The following SLC38A6 variants were observed in gnomAD, a reference collection of about 807,000 sequenced individuals.
SLC38A6 encodes solute carrier family 38 member 6.
SLC38A6 carries 73 observed loss-of-function variants against 65.0 expected under a neutral mutation model. The observed-to-expected ratio is 1.12, with a 90% confidence interval of 0.93 to 1.37. The LOEUF (loss-of-function observed/expected upper bound fraction) is 1.37. SLC38A6 is among the 40% of genes most tolerant of loss of function. The pLI is 0.00. For synonymous variants in SLC38A6, 183 were observed against 178.8 expected (o/e 1.02, Z -0.19); for missense variants, 561 against 531.1 (o/e 1.06, Z -0.55).
intron 8 of SLC38A6, among the ~76,000 whole-genome samples, chr14:61,040,390 A>G (rs1273853932): frequency 7.0e-6 from 1 of 141,866 alleles, no homozygotes; most frequent in Non-Finnish European, 1.5e-5. Flanking sequence ...CCCAGGCTGG[A>G]GTGCAGTGGC....
At chr14:61,083,615 G>T (rs2043742425) in exon 17 of SLC38A6, 1 of 1,550,396 alleles carries the variant, frequency 6.4e-7, no homozygotes, top group Admixed American at 2.0e-5. Flanking sequence ...CAGCAAGAAG[G>T]CAACTGTTTA....
chr14:61,070,286 G>A (rs773367506), intron 15 of SLC38A6, among the ~76,000 whole-genome samples: 5 of 152,168 alleles, frequency 3.3e-5, no homozygotes, highest in African/African-American at 7.2e-5. Flanking sequence ...TCGCCATCTT[G>A]TACCAAGGAA....
At chr14:61,048,004 TACATACATAC>T in intron 12 of SLC38A6, 3 of 335,244 alleles carry the variant, frequency 8.9e-6, no homozygotes, top group South Asian at 7.3e-5. Flanking sequence ...CATACATACA[TACATACATAC>T]ATACATACAT....
At chr14:60,994,055 C>T (rs958744059) in intron 3 of SLC38A6, among the ~76,000 whole-genome samples, 6 of 152,206 alleles carry the variant, frequency 3.9e-5, no homozygotes, top group African/African-American at 1.2e-4. Context: ...AATATAATCT[C>T]ATCATAGGAT....
At chr14:61,064,110 C>A (rs1187994946) in intron 15 of SLC38A6, among the ~76,000 whole-genome samples, 2 of 152,158 alleles carry the variant, frequency 1.3e-5, no homozygotes, top group Non-Finnish European at 2.9e-5. Context: ...GTTTTGAGTG[C>A]TTTCCCACAG....
At chr14:61,028,548 A>G (rs901343837) in intron 5 of SLC38A6, among the ~76,000 whole-genome samples, 23 of 152,232 alleles carry the variant, frequency 1.5e-4, no homozygotes, top group Middle Eastern at 3.4e-3. Context: ...TTCTGTGCCA[A>G]ATTGATAGCA....
intron 8 of SLC38A6, among the ~76,000 whole-genome samples, chr14:61,039,365 A>ATTATTTAT (rs527316473): frequency 6.6e-6 from 1 of 151,474 alleles, no homozygotes; most frequent in Non-Finnish European, 1.5e-5. Flanking sequence ...TGTTTATTTT[A>ATTATTTAT]TTATTTATTT....
Position 61,076,851 on chromosome 14 carries a change from A to G in SLC38A6, c.1291-1959A>G, listed in dbSNP as rs543232217. Among the ~76,000 whole-genome samples, 14 of 152,358 alleles carry G rather than the reference A, an allele frequency of 9.2e-5. No individual in the cohort carries two copies. The South Asian group carries it at 2.5e-3, about 27-fold the overall frequency. On this transcript the variant is annotated intron_variant, in intron 15 of 16. Coordinates refer to the SLC38A6 transcript ENST00000354886. ...AGGAAAGGTATATGGGTCTTCAAGT[A>G]GAGCAGGGATGTGTTCCAGTAGTTG...
intron 3 of SLC38A6, among the ~76,000 whole-genome samples, chr14:61,005,570 C>T (rs570279540): frequency 1.5e-3 from 228 of 151,784 alleles, no homozygotes; most frequent in South Asian, 9.0e-3. Context: ...CATGAGTGAA[C>T]TCCCATTCAC....
chr14:61,022,704 CT>C (rs1462479783), intron 5 of SLC38A6, among the ~76,000 whole-genome samples: 1 of 151,740 alleles, frequency 6.6e-6, no homozygotes, highest in Non-Finnish European at 1.5e-5. Flanking sequence ...TATAAATTAT[CT>C]GACTTTTGCA....
intron 15 of SLC38A6, among the ~76,000 whole-genome samples, chr14:61,070,219 T>TC (rs2139958291): frequency 6.6e-6 from 1 of 152,354 alleles, no homozygotes; most frequent in Admixed American, 6.5e-5. Context: ...ATTTCCCTGT[T>TC]CCTGCAGTCC....
intron 2 of SLC38A6, among the ~76,000 whole-genome samples, chr14:60,983,259 G>T (rs566430160): frequency 6.6e-6 from 1 of 152,170 alleles, no homozygotes; most frequent in Non-Finnish European, 1.5e-5. Flanking sequence ...TGGAGGTCAA[G>T]GCAGGCGGAT....
rs1222058862 is a variant in SLC38A6 at position 61,037,090 on chromosome 14, A to G, written c.514A>G (p.Ile172Val). The G allele has an allele frequency of 6.2e-7, 1 of 1,611,818 alleles. No individual in the cohort carries two copies. The highest frequency in any genetic ancestry group is 8.5e-7 in the Non-Finnish European group (1 of 1,178,912). ...YWYLDGQTLL[I>V]IICVGIVFPL... is the part of the protein sequence containing the mutation. ...GTATCTTGATGGACAAACACTACTA[A>G]TAATCATATGTGTTGGCATTGTGTT... Residue 172 changes from isoleucine to valine, a missense_variant, in exon 7 of 16, where the codon ATA becomes GTA. By Grantham distance (29) the Ile-to-Val change is conservative. Coordinates refer to ENST00000267488, the MANE Select transcript of SLC38A6 (RefSeq NM_153811.3).
At chr14:61,073,234 A>AT (rs951023286) in intron 15 of SLC38A6, among the ~76,000 whole-genome samples, 3 of 151,970 alleles carry the variant, frequency 2.0e-5, no homozygotes, top group African/African-American at 7.3e-5. Flanking sequence ...GGATTATTAT[A>AT]TTTTTTCCAA....
intron 3 of SLC38A6, among the ~76,000 whole-genome samples, chr14:60,990,272 C>T (rs2037764298): frequency 6.6e-6 from 1 of 152,164 alleles, no homozygotes; most frequent in African/African-American, 2.4e-5. Context: ...TTCAAGTGAT[C>T]CACCCACCTT....
intron 3 of SLC38A6, among the ~76,000 whole-genome samples, chr14:60,997,791 G>T (rs981407598): frequency 2.0e-5 from 3 of 152,216 alleles, no homozygotes; most frequent in Admixed American, 2.0e-4. Context: ...GATGTCTGGT[G>T]TATCTCCCAG....
intron 3 of SLC38A6, among the ~76,000 whole-genome samples, chr14:60,997,496 C>T (rs7144799): frequency 0.93 from 141,789 of 152,264 alleles, 66,412 homozygotes; most frequent in Non-Finnish European, 0.99. Flanking sequence ...CAGGTCATGC[C>T]TGCCCTCTGG....
In SLC38A6 at chr14:61,043,478, C is replaced by A. The variant is rs145440362; in HGVS notation, c.719C>A (p.Pro240Gln). The A allele has an allele frequency of 2.3e-4, 362 of 1,608,086 alleles. 6 individuals carry two copies. In the East Asian group the frequency reaches 5.5e-3, roughly 24 times the overall value. Residue 240 changes from proline (P) to glutamine (Q), a missense_variant, in exon 10 of 16, where the codon CCA (proline) becomes CAA (glutamine). Transcript: ENST00000267488. ...TCAAATGTTACAGATGATTGTAAGC[C>A]AAAGCTCTTTCATTTCTCCAAAGAG... is the stretch of plus-strand genomic sequence containing the variant. ...QISNVTDDCK[P>Q]KLFHFSKESA...
At chr14:61,071,720 A>C in intron 15 of SLC38A6, among the ~76,000 whole-genome samples, 1 of 151,882 alleles carries the variant, frequency 6.6e-6, no homozygotes, top group South Asian at 2.1e-4. Context: ...ATACTGATTT[A>C]TATTCACAAC....
Sources: gnomAD v4.1 joint callset for allele counts (sites outside exome capture counted in the v4.1 genomes callset) on GRCh38, gnomAD v4.1.1 for gene constraint, MANE v1.5 for transcripts, NCBI Gene and HGNC (gene_info 2026-07-23, HGNC 2026-07-21) for gene names.